Variants in MAML3 observed in about 807,000 individuals in gnomAD.
The protein encoded by MAML3 is mastermind like transcriptional coactivator 3.
A neutral mutation model predicts 101.9 loss-of-function variants in MAML3; 27 were observed. The observed-to-expected ratio is 0.27, with a 90% CI of 0.20 to 0.37. MAML3 has a LOEUF of 0.37. MAML3 is among the 10% of genes least tolerant of loss of function. MAML3 has a pLI of 1.00. For missense variants in MAML3, 1,316 were observed against 1,444.9 expected (o/e 0.91, Z 1.45); for synonymous variants, 501 against 555.9 (o/e 0.90, Z 1.39).
chr4:140,050,096 C>T (rs912362287), intron 1 of MAML3, among the ~76,000 whole-genome samples: 2 of 152,134 alleles, frequency 1.3e-5, no homozygotes, highest in East Asian at 1.9e-4. Context: ...AAAGCTCACA[C>T]TGCCTGAATA....
intron 1 of MAML3, among the ~76,000 whole-genome samples, chr4:140,101,899 T>TA (rs1159981298): frequency 2.6e-5 from 4 of 152,006 alleles, no homozygotes; most frequent in Non-Finnish European, 5.9e-5. Flanking sequence ...TTTGTCTTTC[T>TA]AGCCAATAGA....
chr4:139,886,726 G>C (rs758557497), intron 2 of MAML3, among the ~76,000 whole-genome samples: 6 of 151,974 alleles, frequency 3.9e-5, no homozygotes, highest in Non-Finnish European at 7.4e-5. Flanking sequence ...CATAATCTTT[G>C]TTCAACCATC....
chr4:140,127,747 C>T (rs1728706896), intron 1 of MAML3, among the ~76,000 whole-genome samples: 3 of 152,166 alleles, frequency 2.0e-5, no homozygotes, highest in African/African-American at 7.2e-5. Flanking sequence ...CTCACATCAA[C>T]ACTATGAGGA....
At chr4:140,047,469 C>A (rs745345173) in intron 1 of MAML3, among the ~76,000 whole-genome samples, 1 of 152,126 alleles carries the variant, frequency 6.6e-6, no homozygotes, top group South Asian at 2.1e-4. Context: ...TTGGTGAAAC[C>A]GAGAGGGCTG....
intron 1 of MAML3, among the ~76,000 whole-genome samples, chr4:139,914,910 G>A (rs28620545): frequency 0.021 from 3,188 of 152,218 alleles, 114 homozygotes; most frequent in African/African-American, 0.072. Context: ...ATTTCCACAT[G>A]TTTTGGTTTT....
intron 1 of MAML3, among the ~76,000 whole-genome samples, chr4:140,122,520 C>T (rs980784211): frequency 3.3e-5 from 5 of 152,040 alleles, no homozygotes; most frequent in Admixed American, 2.0e-4. Context: ...GGGCCGGGCG[C>T]GGTGGCTCAC....
intron 2 of MAML3, among the ~76,000 whole-genome samples, chr4:139,836,373 C>G (rs1354855871): frequency 1.3e-5 from 2 of 152,170 alleles, no homozygotes; most frequent in Non-Finnish European, 2.9e-5. Context: ...AGAAAAGCAT[C>G]AATGCCATAA....
chr4:139,990,989 C>T (rs539232632), intron 1 of MAML3, among the ~76,000 whole-genome samples: 39 of 152,274 alleles, frequency 2.6e-4, no homozygotes, highest in Non-Finnish European at 5.1e-4. Flanking sequence ...AGGTAATTTA[C>T]AGATTCAATG....
At chr4:140,117,220 C>T (rs1728530983) in intron 1 of MAML3, among the ~76,000 whole-genome samples, 1 of 152,032 alleles carries the variant, frequency 6.6e-6, no homozygotes, top group African/African-American at 2.4e-5. Context: ...TTACTATAAC[C>T]CAAAGCAAAT....
In MAML3 at chr4:139,744,861, C is replaced by T. The variant is rs540374726; in HGVS notation, c.2080-14194G>A. Among the ~76,000 whole-genome samples, 4 of 152,262 alleles carry T rather than the reference C, an allele frequency of 2.6e-5. No homozygotes were observed. The East Asian group carries it at 7.7e-4, about 29-fold the overall frequency. ...TCCATAGAGCCAGGCTGACCAGACC[C>T]GGGATGGGCAGAGTGGTGGCATGGC... On this transcript the variant is annotated intron_variant, in intron 2 of 4. Transcript: ENST00000509479.
chr4:139,886,467 A>G (rs1165067439), intron 2 of MAML3, among the ~76,000 whole-genome samples: 4 of 152,160 alleles, frequency 2.6e-5, no homozygotes, highest in African/African-American at 9.7e-5. Context: ...TATCATTCCT[A>G]ACATTTTAGG....
rs201670133 is a variant in MAML3, at chr4:139,909,999, TA to T, written c.469-19033del. 1.8e-3 allele frequency among the ~76,000 whole-genome samples: 275 copies of T among 150,298 alleles called. 2 individuals carry two copies. The highest frequency in any genetic ancestry group is 4.5e-3 in the Admixed American group (68 of 15,058). On this transcript the variant is annotated intron_variant, in intron 1 of 4. Coordinates refer to ENST00000509479, the MANE Select transcript of MAML3 (RefSeq NM_018717.5). The stretch of plus-strand genomic sequence containing the variant: ...TAAATGAGAGGAGTCAGCAAAGAGA[TA>T]AAAAAAAACAGTATTGGTGAGAGAT...
chr4:139,740,967 C>T (rs1729146353), intron 2 of MAML3, among the ~76,000 whole-genome samples: 1 of 152,192 alleles, frequency 6.6e-6, no homozygotes, highest in African/African-American at 2.4e-5. Context: ...AGAGGGAGGG[C>T]CCGTGTCAGC....
At chr4:139,871,854 T>G (rs1039170159) in intron 2 of MAML3, among the ~76,000 whole-genome samples, 2 of 152,232 alleles carry the variant, frequency 1.3e-5, no homozygotes, top group Non-Finnish European at 2.9e-5. Context: ...CTAATACAAT[T>G]ATCCTTTTGC....
intron 1 of MAML3, among the ~76,000 whole-genome samples, chr4:140,037,824 C>T (rs774944454): frequency 6.6e-6 from 1 of 152,206 alleles, no homozygotes; most frequent in South Asian, 2.1e-4. Context: ...TCAGCAGGCA[C>T]CCTGATTAGA....
chr4:139,808,658 C>A (rs550928132), intron 2 of MAML3, among the ~76,000 whole-genome samples: 1 of 152,202 alleles, frequency 6.6e-6, no homozygotes, highest in Non-Finnish European at 1.5e-5. Context: ...CCCCCTCTTA[C>A]CTTTGTGTTC....
chr4:139,745,162 G>A (rs1729280692), intron 2 of MAML3, among the ~76,000 whole-genome samples: 1 of 152,156 alleles, frequency 6.6e-6, no homozygotes. Context: ...GCGGCCACCT[G>A]CAAGGAGGGA....
chr4:139,953,534 G>A (rs934431936), intron 1 of MAML3, among the ~76,000 whole-genome samples: 8 of 152,198 alleles, frequency 5.3e-5, no homozygotes, highest in African/African-American at 1.9e-4. Context: ...GCTGAGGCAG[G>A]AGAATTGCTG....
rs1732455026 is a variant in MAML3, at chr4:139,890,505, C to G, written c.931G>C (p.Glu311Gln). 1 of 1,613,898 alleles carries G rather than the reference C, an allele frequency of 6.2e-7. No homozygotes were observed. Among genetic ancestry groups the G allele is most frequent in the Non-Finnish European group, 8.5e-7 (1 of 1,179,904 alleles). Residue 311 changes from glutamate (E) to glutamine (Q), a missense_variant, in exon 2 of 5, where the codon GAA (glutamate) becomes CAA (glutamine). Physicochemically the swap from Glu to Gln is conservative, Grantham distance 29 (BLOSUM62 2). Transcript: ENST00000509479. The surrounding 1 kb of genome is among the most constrained non-coding windows in gnomAD (Gnocchi z 4.1). ...GTGTTGGCCAATTCATCTATTAATT[C>G]TTGCCACTCCTGATCATTCAGATTA... is the stretch of plus-strand genomic sequence containing the variant. ...DINLNDQEWQ[E>Q]LIDELANTVP...
Sources: allele counts gnomAD v4.1 joint callset (sites outside exome capture counted in the v4.1 genomes callset), GRCh38; gene constraint gnomAD v4.1.1; non-coding constraint Gnocchi (gnomAD v3.1); transcripts MANE v1.5; gene names NCBI Gene and HGNC (gene_info 2026-07-23, HGNC 2026-07-21).